Variants in MESP1 observed in about 807,000 individuals in gnomAD.
The protein encoded by MESP1 is mesoderm posterior protein 1.
MESP1 carries 22 observed loss-of-function variants against 15.2 expected under a neutral mutation model. That is an observed-to-expected ratio of 1.45 (90% confidence interval 1.04 to 2.07). The LOEUF is 2.07. Ranked by LOEUF, MESP1 falls within the 30% of genes most tolerant of loss-of-function variation. MESP1 has a pLI of 0.00. For missense variants in MESP1, 484 were observed against 411.9 expected (o/e 1.17, Z -1.51); for synonymous variants, 216 against 192.6 (o/e 1.12, Z -1.01).
the MESP1 span, among the ~76,000 whole-genome samples, chr15:89,733,697 C>T: frequency 2.0e-5 from 3 of 152,144 alleles, no homozygotes; most frequent in Admixed American, 6.5e-5. Flanking sequence ...TATGCCGTCT[C>T]GGGACTCTCT....
intron 1 of MESP1, 95 bp downstream of exon 1, chr15:89,750,414 C>T (rs1353533288): frequency 6.9e-7 from 1 of 1,448,976 alleles, no homozygotes; most frequent in Admixed American, 2.5e-5. Context: ...AGGCTGCCGG[C>T]GGGGAGCAGC....
chr15:89,737,021 G>A, the MESP1 span, among the ~76,000 whole-genome samples: 1 of 152,186 alleles, frequency 6.6e-6, no homozygotes, highest in Non-Finnish European at 1.5e-5. Flanking sequence ...TCGATCTCCT[G>A]ACCTCGTGAT....
the MESP1 span, chr15:89,743,295 T>C: frequency 1.9e-6 from 3 of 1,614,108 alleles, no homozygotes; most frequent in Non-Finnish European, 1.7e-6. Flanking sequence ...CCCTCAGCTA[T>C]CGGAAGCTGG....
chr15:89,747,050 GCACA>G (rs142029540), downstream of MESP1, among the ~76,000 whole-genome samples: 24 of 105,610 alleles, frequency 2.3e-4, no homozygotes, highest in East Asian at 7.3e-4. Context: ...ACATGCGCAT[GCACA>G]CACACACACA....
the MESP1 span, chr15:89,735,667 T>C: frequency 9.5e-7 from 1 of 1,052,616 alleles, no homozygotes. Context: ...TGTTAGGCAC[T>C]GGACTAGCTT....
At chr15:89,733,994 T>C in the MESP1 span, among the ~76,000 whole-genome samples, 1 of 134,206 alleles carries the variant, frequency 7.5e-6, no homozygotes, top group Non-Finnish European at 1.6e-5. Flanking sequence ...ACCTGTATAA[T>C]GTGTGTGTGT....
At position 89,751,087 on chromosome 15, in the gene MESP1, C is replaced by T. The variant is rs1212760015; in HGVS notation, c.145G>A (p.Asp49Asn). The T allele has an allele frequency of 4.7e-6, 5 of 1,064,092 alleles. No individual in the cohort carries two copies. Among genetic ancestry groups the T allele is most frequent in the African/African-American group, 2.1e-5 (1 of 47,532 alleles). 65.9% of individuals were successfully genotyped at this position (1,064,092 alleles called of 1,614,324 possible). ...SPDSWGSTPADSPVASPARPG... is the reference protein window; with the variant it reads ...SPDSWGSTPANSPVASPARPG... ...CGCGCGGGGCTCGCCACGGGGCTGT[C>T]GGCTGGGGTGCTGCCCCATGAGTCT... The change falls in exon 1 of 2, where the codon GAC becomes AAC. Residue 49 changes from aspartate to asparagine, a missense_variant. Asp to Asn is a conservative substitution (Grantham distance 23). Coordinates refer to ENST00000300057, the MANE Select transcript of MESP1 (RefSeq NM_018670.4).
the MESP1 span, among the ~76,000 whole-genome samples, chr15:89,736,792 G>GC: frequency 6.7e-6 from 1 of 149,812 alleles, no homozygotes; most frequent in Non-Finnish European, 1.5e-5. Flanking sequence ...GTCAAAGGGG[G>GC]CTTTTTTTTT....
chr15:89,733,035 C>T, the MESP1 span: 1 of 1,614,236 alleles, frequency 6.2e-7, no homozygotes, highest in Non-Finnish European at 8.5e-7. Flanking sequence ...TGCTCTTCCT[C>T]AGGGATGTTT....
At position 89,750,996 on chromosome 15, in the gene MESP1, A is replaced by C; in HGVS notation, c.236T>G (p.Leu79Arg). ...GGCGCTCTGCCTCTGCCCGCTGCCC[A>C]GGCGGCTGCTGCGCGCGCCGCGCCT... ...VGRRGARSSR[L>R]GSGQRQSASE... The change falls in exon 1 of 2, where the codon CTG becomes CGG. Residue 79 changes from leucine (L) to arginine (R), a missense_variant. Transcript: ENST00000300057. 1 of 1,385,108 alleles carries C rather than the reference A, an allele frequency of 7.2e-7. No homozygotes were observed. The highest frequency in any genetic ancestry group is 1.6e-5 in the South Asian group (1 of 60,718). 85.8% of individuals were successfully genotyped at this position (1,385,108 alleles called of 1,614,324 possible).
chr15:89,735,680 G>A, the MESP1 span: 12 of 940,922 alleles, frequency 1.3e-5, no homozygotes, highest in Middle Eastern at 4.4e-4. Context: ...ACTAGCTTTC[G>A]GGTTTACAAA....
At chr15:89,735,139 T>C in the MESP1 span, among the ~76,000 whole-genome samples, 3 of 152,156 alleles carry the variant, frequency 2.0e-5, no homozygotes, top group Admixed American at 2.0e-4. Flanking sequence ...CCCAAAGTGC[T>C]GGGATTACAG....
chr15:89,734,511 CAT>C, the MESP1 span, among the ~76,000 whole-genome samples: 1 of 152,176 alleles, frequency 6.6e-6, no homozygotes, highest in East Asian at 1.9e-4. Context: ...AGCTTCTGCT[CAT>C]GTTACATTTG....
chr15:89,734,805 T>G, the MESP1 span, among the ~76,000 whole-genome samples: 1 of 151,372 alleles, frequency 6.6e-6, no homozygotes, highest in Non-Finnish European at 1.5e-5. Flanking sequence ...GGTAACATAG[T>G]GAGACCCCTT....
At chr15:89,746,859 C>CCA (rs140214445), downstream of MESP1, among the ~76,000 whole-genome samples, 178 of 106,888 alleles carry the variant, frequency 1.7e-3, 5 homozygotes, top group African/African-American at 5.1e-3. Context: ...AGCCCTGCCG[C>CCA]CACACACACA....
At chr15:89,736,972 T>C in the MESP1 span, among the ~76,000 whole-genome samples, 1 of 152,088 alleles carries the variant, frequency 6.6e-6, no homozygotes, top group Non-Finnish European at 1.5e-5. Flanking sequence ...TTTGTATTTT[T>C]AGTAGAGACG....
the MESP1 span, among the ~76,000 whole-genome samples, chr15:89,739,307 C>T: frequency 3.3e-5 from 5 of 152,064 alleles, no homozygotes; most frequent in Non-Finnish European, 7.4e-5. Flanking sequence ...TTGAAGGCTG[C>T]GAAGGAGACA....
downstream of MESP1, among the ~76,000 whole-genome samples, chr15:89,745,171 G>T (rs1292400297): frequency 2.0e-5 from 3 of 152,180 alleles, no homozygotes; most frequent in South Asian, 6.2e-4. The surrounding 1 kb of genome is among the most constrained non-coding windows in gnomAD (Gnocchi z 4.8). Flanking sequence ...CCCACCCTCT[G>T]CCAAGACATG....
the MESP1 span, chr15:89,733,095 A>C: frequency 6.2e-7 from 1 of 1,614,224 alleles, no homozygotes; most frequent in Non-Finnish European, 8.5e-7. Flanking sequence ...CAAAGGACAG[A>C]ATATGTATCC....
Sources: allele counts gnomAD v4.1 joint callset (sites outside exome capture counted in the v4.1 genomes callset), GRCh38; gene constraint gnomAD v4.1.1; non-coding constraint Gnocchi (gnomAD v3.1); transcripts MANE v1.5; gene names NCBI Gene and HGNC (gene_info 2026-07-23, HGNC 2026-07-21).